Variants in MBOAT1 observed in about 807,000 individuals in gnomAD.
MBOAT1 encodes membrane-bound glycerophospholipid O-acyltransferase 1.
Under a neutral mutation model 64.4 loss-of-function variants are expected in MBOAT1, and 67 were observed. The ratio of observed to expected loss-of-function variants is 1.04; its 90% CI spans 0.85 to 1.27. The LOEUF (loss-of-function observed/expected upper bound fraction) is 1.27. MBOAT1 is among the 50% of genes most tolerant of loss of function. The pLI, the probability that MBOAT1 is intolerant of heterozygous loss-of-function variation, is 0.00. For missense variants in MBOAT1, 563 were observed against 604.6 expected (o/e 0.93, Z 0.72); for synonymous variants, 229 against 218.9 (o/e 1.05, Z -0.41).
At chr6:20,108,017 G>A (rs1249033075) in intron 12 of MBOAT1, among the ~76,000 whole-genome samples, 3 of 152,154 alleles carry the variant, frequency 2.0e-5, no homozygotes, top group Non-Finnish European at 4.4e-5. Context: ...ATGTGGGGCT[G>A]CCCTAGGTGG....
intron 1 of MBOAT1, among the ~76,000 whole-genome samples, chr6:20,205,521 G>A (rs1029679697): frequency 5.9e-5 from 9 of 152,022 alleles, no homozygotes; most frequent in South Asian, 2.1e-4. Flanking sequence ...TTCAATTATC[G>A]TCAAATCTAG....
At chr6:20,189,399 T>A (rs1762741893) in intron 1 of MBOAT1, among the ~76,000 whole-genome samples, 1 of 152,130 alleles carries the variant, frequency 6.6e-6, no homozygotes, top group Non-Finnish European at 1.5e-5. Context: ...TCTAAGTAAT[T>A]TTTTTTAAGA....
At chr6:20,179,165 T>C (rs1752142) in intron 1 of MBOAT1, among the ~76,000 whole-genome samples, 96,891 of 150,226 alleles carry the variant, frequency 0.64, 31,843 homozygotes, top group Admixed American at 0.73. Flanking sequence ...ATTTAATCTT[T>C]GCAACAACCC....
At chr6:20,109,777 G>A (rs774130196) in intron 11 of MBOAT1, 28 bp from the exon 12 acceptor site, 3 of 1,598,706 alleles carry the variant, frequency 1.9e-6, no homozygotes, top group African/African-American at 1.3e-5. Context: ...CAACAGTAGT[G>A]AGGAGGGGGT....
chr6:20,129,904 A>C (rs1760767736), intron 5 of MBOAT1, among the ~76,000 whole-genome samples: 1 of 152,210 alleles, frequency 6.6e-6, no homozygotes, highest in Non-Finnish European at 1.5e-5. Flanking sequence ...ACCTTTTAGT[A>C]CTGGGCAAAC....
intron 6 of MBOAT1, among the ~76,000 whole-genome samples, chr6:20,128,278 AT>A (rs1285320669): frequency 3.3e-5 from 5 of 151,970 alleles, no homozygotes; most frequent in Non-Finnish European, 7.4e-5. Flanking sequence ...CCTACTTCCT[AT>A]CTTTTTTCAG....
chr6:20,151,101 G>T, intron 3 of MBOAT1, 84 bp downstream of exon 3: 2 of 980,572 alleles, frequency 2.0e-6, no homozygotes, highest in Non-Finnish European at 3.2e-6. Context: ...AATGGGTAAG[G>T]TCCATCTTTA....
intron 1 of MBOAT1, among the ~76,000 whole-genome samples, chr6:20,175,202 T>A (rs1433696907): frequency 6.6e-6 from 1 of 152,094 alleles, no homozygotes; most frequent in Non-Finnish European, 1.5e-5. Flanking sequence ...AGAAGAAAAA[T>A]TGCCTTTAGC....
intron 1 of MBOAT1, among the ~76,000 whole-genome samples, chr6:20,203,712 C>A (rs1763183551): frequency 6.6e-6 from 1 of 151,892 alleles, no homozygotes; most frequent in Non-Finnish European, 1.5e-5. Context: ...CGAGCTCCTG[C>A]ACCAGGCCCC....
intron 1 of MBOAT1, among the ~76,000 whole-genome samples, chr6:20,181,139 G>C (rs551272843): frequency 6.6e-6 from 1 of 152,144 alleles, no homozygotes; most frequent in African/African-American, 2.4e-5. Context: ...CCCATCTTGT[G>C]GCTGCAGTGG....
intron 4 of MBOAT1, among the ~76,000 whole-genome samples, chr6:20,138,843 A>G (rs1382282005): frequency 6.6e-6 from 1 of 152,232 alleles, no homozygotes; most frequent in Non-Finnish European, 1.5e-5. Flanking sequence ...TCTTGAGGTT[A>G]AAAGTCCAAA....
intron 4 of MBOAT1, among the ~76,000 whole-genome samples, chr6:20,141,628 C>T (rs1439765319): frequency 6.6e-6 from 1 of 152,098 alleles, no homozygotes; most frequent in African/African-American, 2.4e-5. Context: ...TCTTCCTCCT[C>T]CTGCCAGCTC....
At chr6:20,108,326 A>C (rs547801493) in intron 12 of MBOAT1, among the ~76,000 whole-genome samples, 1 of 152,178 alleles carries the variant, frequency 6.6e-6, no homozygotes, top group Non-Finnish European at 1.5e-5. Flanking sequence ...GCTGAAGCTT[A>C]TAATTCTCTT....
chr6:20,113,442 T>G (rs1760232756), intron 10 of MBOAT1, among the ~76,000 whole-genome samples: 1 of 152,202 alleles, frequency 6.6e-6, no homozygotes, highest in Non-Finnish European at 1.5e-5. Context: ...TGAATATCCT[T>G]ATTTAGTAAA....
chr6:20,183,871 C>T (rs1471741318), intron 1 of MBOAT1, among the ~76,000 whole-genome samples: 1 of 152,162 alleles, frequency 6.6e-6, no homozygotes, highest in Non-Finnish European at 1.5e-5. Context: ...TGAATCATGG[C>T]AGGAGGCGAA....
chr6:20,201,785 T>C (rs1052674244), intron 1 of MBOAT1, among the ~76,000 whole-genome samples: 2 of 152,094 alleles, frequency 1.3e-5, no homozygotes, highest in South Asian at 2.1e-4. Flanking sequence ...TTTCACCATG[T>C]TGGCCAAGCT....
chr6:20,143,441 G>T (rs1182737197), intron 4 of MBOAT1, among the ~76,000 whole-genome samples: 1 of 152,194 alleles, frequency 6.6e-6, no homozygotes, highest in Non-Finnish European at 1.5e-5. Context: ...ACTCAAAGGG[G>T]TCAGGGTAGT....
intron 11 of MBOAT1, among the ~76,000 whole-genome samples, chr6:20,111,623 A>G (rs1185100413): frequency 6.6e-6 from 1 of 151,800 alleles, no homozygotes; most frequent in Non-Finnish European, 1.5e-5. Context: ...AGCAAACAGA[A>G]TTCTAAGTTT....
At position 20,124,427 on chromosome 6, in the gene MBOAT1, A is replaced by G; in HGVS notation, c.888T>C (p.Tyr296=). The G allele has an allele frequency of 6.2e-7, 1 of 1,614,098 alleles. No individual in the cohort carries two copies. Among genetic ancestry groups the G allele is most frequent in the Non-Finnish European group, 8.5e-7 (1 of 1,179,974 alleles). ...YVVMQASKPK[Y]YFAWTLADAV... The stretch of plus-strand genomic sequence containing the variant: ...ACTTACCTAATGTCCATGCAAAGTA[A>G]TACTTGGGCTTTGAGGCTTGCATGA... Residue 296 remains tyrosine (Y), a synonymous_variant, in exon 8 of 13, where the codon TAT becomes TAC. Transcript: ENST00000324607.
Sources: gnomAD v4.1 joint callset for allele counts (sites outside exome capture counted in the v4.1 genomes callset) on GRCh38, gnomAD v4.1.1 for gene constraint, MANE v1.5 for transcripts, NCBI Gene and HGNC (gene_info 2026-07-23, HGNC 2026-07-21) for gene names.